The following RP1 variants were observed in gnomAD, a reference collection of about 807,000 sequenced individuals.
The protein encoded by RP1 is oxygen-regulated protein 1.
RP1 carries 16 observed loss-of-function variants against 14.8 expected under a neutral mutation model. The ratio of observed to expected loss-of-function variants is 1.08; its 90% CI spans 0.73 to 1.65. The LOEUF is 1.65. Ranked by LOEUF, RP1 falls within the 40% of genes most tolerant of loss-of-function variation. The pLI is 0.00. For synonymous variants in RP1, 876 were observed against 883.6 expected (o/e 0.99, Z 0.15); for missense variants, 2,631 against 2,535.0 (o/e 1.04, Z -0.81).
At chr8:54,846,061 A>T (rs1811912405) in intron 25 of RP1, among the ~76,000 whole-genome samples, 1 of 152,228 alleles carries the variant, frequency 6.6e-6, no homozygotes, top group Non-Finnish European at 1.5e-5. Flanking sequence ...ACATGTCTGC[A>T]GTTTTCACTT....
intron 1 of RP1, among the ~76,000 whole-genome samples, chr8:54,602,134 C>T (rs528348685): frequency 6.3e-4 from 96 of 152,330 alleles, no homozygotes; most frequent in African/African-American, 2.2e-3. Context: ...GTGCTGCACC[C>T]ATTAACTCTT....
At chr8:54,772,098 T>A (rs1015822797), downstream of RP1, among the ~76,000 whole-genome samples, 1 of 152,154 alleles carries the variant, frequency 6.6e-6, no homozygotes, top group Non-Finnish European at 1.5e-5. Context: ...TTTAATTAAT[T>A]CCCACAATCA....
chr8:54,587,125 C>T (rs1309148567), intron 1 of RP1, among the ~76,000 whole-genome samples: 3 of 152,200 alleles, frequency 2.0e-5, no homozygotes, highest in African/African-American at 7.2e-5. Flanking sequence ...TCCTATTCGG[C>T]CATCTTGTCT....
upstream of RP1, among the ~76,000 whole-genome samples, chr8:54,613,806 A>C (rs548175141): frequency 6.6e-6 from 1 of 152,342 alleles, no homozygotes; most frequent in South Asian, 2.1e-4. Flanking sequence ...GCCACATTTA[A>C]AAAACTTCAA....
At chr8:54,600,571 G>C (rs1484568372) in intron 1 of RP1, among the ~76,000 whole-genome samples, 1 of 152,166 alleles carries the variant, frequency 6.6e-6, no homozygotes, top group Non-Finnish European at 1.5e-5. Flanking sequence ...GGAGATGGAA[G>C]TCTTGGTTCC....
chr8:54,634,721 A>G (rs1039831695), downstream of RP1, among the ~76,000 whole-genome samples: 1 of 152,216 alleles, frequency 6.6e-6, no homozygotes, highest in Admixed American at 6.5e-5. Flanking sequence ...TTGATGGTTT[A>G]GAGAAGATAC....
In RP1 at chr8:54,620,860, T is replaced by C. The variant is rs1033412219; in HGVS notation, c.-12-95T>C. On this transcript the variant is annotated intron_variant, in intron 1 of 3. Coordinates refer to ENST00000220676, the MANE Select transcript of RP1 (RefSeq NM_006269.2). Reference sequence around the variant, plus strand: ...ATGAAAGAATAAACTTCTGTGAATATCCTGGATGTCTGCAGCTATATTTAG... The same window carrying C: ...ATGAAAGAATAAACTTCTGTGAATACCCTGGATGTCTGCAGCTATATTTAG... 7 of 1,185,268 alleles carry C rather than the reference T, an allele frequency of 5.9e-6. No individual in the cohort carries two copies. In the African/African-American group the frequency reaches 7.5e-5, roughly 13 times the overall value. The allele number at this position is 1,185,268 out of a possible 1,614,324, so 73.4% of individuals were successfully genotyped here.
intron 18 of RP1, among the ~76,000 whole-genome samples, chr8:54,738,566 A>C (rs1808994185): frequency 6.6e-6 from 1 of 152,120 alleles, no homozygotes; most frequent in African/African-American, 2.4e-5. Context: ...TTCTTTGGCG[A>C]AAATTGTTTT....
chr8:54,772,309 C>T (rs912654474), downstream of RP1, among the ~76,000 whole-genome samples: 2 of 151,892 alleles, frequency 1.3e-5, no homozygotes, highest in East Asian at 3.9e-4. Context: ...CTCTTATATC[C>T]AGCCACATAA....
At chr8:54,670,438 T>G (rs1807128241) in intron 7 of RP1, among the ~76,000 whole-genome samples, 1 of 149,212 alleles carries the variant, frequency 6.7e-6, no homozygotes, top group Non-Finnish European at 1.5e-5. Flanking sequence ...TATGTATATA[T>G]ATGGATACAT....
chr8:54,803,143 A>T (rs1262364806), intron 24 of RP1, among the ~76,000 whole-genome samples: 1 of 152,160 alleles, frequency 6.6e-6, no homozygotes, highest in Non-Finnish European at 1.5e-5. Context: ...TATTATTTCT[A>T]AAATCTCATT....
intron 1 of RP1, among the ~76,000 whole-genome samples, chr8:54,605,182 A>G (rs1805397987): frequency 6.6e-6 from 1 of 152,208 alleles, no homozygotes; most frequent in African/African-American, 2.4e-5. Flanking sequence ...ATTTAGTGCT[A>G]TAAATTTCCC....
At chr8:54,707,855 T>C (rs1808188005) in intron 15 of RP1, among the ~76,000 whole-genome samples, 1 of 152,172 alleles carries the variant, frequency 6.6e-6, no homozygotes. Flanking sequence ...CACAAGTGCA[T>C]AATGAAGTAG....
chr8:54,611,541 T>C (rs1484702085), upstream of RP1, among the ~76,000 whole-genome samples: 3 of 152,162 alleles, frequency 2.0e-5, no homozygotes, highest in East Asian at 5.8e-4. Flanking sequence ...TCTTTTTGGT[T>C]CCTTTTCATA....
intron 26 of RP1, among the ~76,000 whole-genome samples, chr8:54,853,840 A>G (rs1812118786): frequency 6.6e-6 from 1 of 150,622 alleles, no homozygotes; most frequent in African/African-American, 2.4e-5. Context: ...AAGAGAGAGA[A>G]AGAAAGAGAA....
chr8:54,576,043 C>CT (rs11443511), intron 1 of RP1, among the ~76,000 whole-genome samples: 37,767 of 139,860 alleles, frequency 0.27, 5,436 homozygotes, highest in East Asian at 0.36. Context: ...CTGTCAGACT[C>CT]TTTTTTTTTT....
intron 12 of RP1, among the ~76,000 whole-genome samples, chr8:54,688,806 A>G (rs888978597): frequency 6.6e-6 from 1 of 152,014 alleles, no homozygotes; most frequent in Non-Finnish European, 1.5e-5. Flanking sequence ...CTATCTTTTG[A>G]TTCCATATGA....
At chr8:54,653,243 G>A (rs1480213507) in intron 5 of RP1, among the ~76,000 whole-genome samples, 1 of 152,140 alleles carries the variant, frequency 6.6e-6, no homozygotes, top group Non-Finnish European at 1.5e-5. Context: ...TTGAATGCCA[G>A]CTTTGAAATT....
intron 19 of RP1, among the ~76,000 whole-genome samples, chr8:54,752,914 A>G (rs1011206589): frequency 6.6e-6 from 1 of 152,250 alleles, no homozygotes; most frequent in Non-Finnish European, 1.5e-5. Context: ...TATTATACTA[A>G]CCTTTTTAAT....
Sources: gnomAD v4.1 joint callset for allele counts (sites outside exome capture counted in the v4.1 genomes callset) on GRCh38, gnomAD v4.1.1 for gene constraint, MANE v1.5 for transcripts, NCBI Gene and HGNC (gene_info 2026-07-23, HGNC 2026-07-21) for gene names.